Variants in DNAH14 observed in about 807,000 individuals in gnomAD.
DNAH14 encodes dynein axonemal heavy chain 14.
A neutral mutation model predicts 520.9 loss-of-function variants in DNAH14; 478 were observed. The ratio of observed to expected loss-of-function variants is 0.92; its 90% CI spans 0.85 to 0.99. The LOEUF is 0.99. Among genes scored for constraint, DNAH14 ranks in the 50% least tolerant of loss-of-function variants. The pLI, the probability that DNAH14 is intolerant of heterozygous loss-of-function variation, is 0.00. For missense variants in DNAH14, 4,831 were observed against 5,234.5 expected (o/e 0.92, Z 2.38); for synonymous variants, 1,581 against 1,757.2 (o/e 0.90, Z 2.51).
chr1:225,234,635 C>A (rs1394323664), intron 42 of DNAH14, among the ~76,000 whole-genome samples: 1 of 152,148 alleles, frequency 6.6e-6, no homozygotes, highest in African/African-American at 2.4e-5. Flanking sequence ...TTGCTTTGGG[C>A]AGTATGGTCC....
At chr1:225,360,249 G>A (rs1449798106) in intron 74 of DNAH14, among the ~76,000 whole-genome samples, 1 of 152,140 alleles carries the variant, frequency 6.6e-6, no homozygotes, top group Non-Finnish European at 1.5e-5. Flanking sequence ...GTCTATCATT[G>A]ATGGGCATTT....
chr1:224,944,045 A>C (rs1253124265), intron 1 of DNAH14, among the ~76,000 whole-genome samples: 1 of 152,070 alleles, frequency 6.6e-6, no homozygotes, highest in Non-Finnish European at 1.5e-5. Flanking sequence ...ATTCCTGGAT[A>C]TCCTTGTTAA....
intron 27 of DNAH14, among the ~76,000 whole-genome samples, chr1:225,137,288 G>A (rs2079029552): frequency 6.6e-6 from 1 of 152,032 alleles, no homozygotes; most frequent in Non-Finnish European, 1.5e-5. Context: ...TTTGATCTTT[G>A]AGGTTGCTGA....
chr1:225,252,313 C>G lies in DNAH14; in HGVS notation c.6761C>G (p.Pro2254Arg). Reference protein sequence around the residue: ...GNSSQVGINLPTGECSIFGYF... With the variant: ...GNSSQVGINLRTGECSIFGYF... ...TTTTCGGTTGTAGGCATCAACCTAC[C>G]AACTGGTGAATGTTCCATCTTTGGA... The change falls in exon 44 of 86, where the codon CCA becomes CGA. Residue 2254 changes from proline (P) to arginine (R), a missense_variant. Coordinates refer to ENST00000682510, the MANE Select transcript of DNAH14 (RefSeq NM_001367479.1). 6.5e-7 allele frequency: 1 copy of G among 1,546,910 alleles called. No individual in the cohort carries two copies. The highest frequency in any genetic ancestry group is 1.2e-5 in the South Asian group (1 of 83,632).
At chr1:225,398,191 C>T (rs1480612727) in intron 84 of DNAH14, 4 of 217,608 alleles carry the variant, frequency 1.8e-5, no homozygotes, top group Non-Finnish European at 3.6e-5. Context: ...TGTTCTTGTT[C>T]TGTCCTAAAA....
chr1:225,006,780 G>A (rs1319735774), intron 9 of DNAH14, among the ~76,000 whole-genome samples: 1 of 152,084 alleles, frequency 6.6e-6, no homozygotes, highest in African/African-American at 2.4e-5. Context: ...TTGTGATATT[G>A]TATTGCCTTT....
rs558126560 is a variant in DNAH14 at position 225,087,794 on chromosome 1, A to G, written c.3573+2005A>G. On this transcript the variant is annotated intron_variant, in intron 21 of 85. Transcript: ENST00000682510. ...TCATAGATTTGTGGCAGGCCCCTAC[A>G]CAAGCATTCAGCAGACCCAATCAAT... Among the ~76,000 whole-genome samples, 8 of 152,330 alleles carry G rather than the reference A, an allele frequency of 5.3e-5. No individual in the cohort carries two copies. In the East Asian group the frequency reaches 5.8e-4, roughly 11 times the overall value.
Position 225,272,088 on chromosome 1 carries a change from T to A in DNAH14, c.7839+15T>A, listed in dbSNP as rs774489281. 6.5e-7 allele frequency: 1 copy of A among 1,539,092 alleles called. No homozygotes were observed. Among genetic ancestry groups the A allele is most frequent in the South Asian group, 1.2e-5 (1 of 82,360 alleles). ...ATATGTTTAAGGTTTGTTTTAATGT[T>A]CATTCTCTAGTTTATTTTTTAAATA... On this transcript the variant is annotated intron_variant, in intron 51 of 85. Transcript: ENST00000682510.
At chr1:225,166,333 C>T (rs1344891923) in intron 35 of DNAH14, among the ~76,000 whole-genome samples, 1 of 152,172 alleles carries the variant, frequency 6.6e-6, no homozygotes, top group Non-Finnish European at 1.5e-5. Context: ...TATTCAGCTA[C>T]CCCATTTGTA....
At chr1:225,263,710 A>G (rs2093017913) in intron 46 of DNAH14, among the ~76,000 whole-genome samples, 1 of 152,032 alleles carries the variant, frequency 6.6e-6, no homozygotes, top group South Asian at 2.1e-4. Context: ...ATCATTCTTT[A>G]TCTAAGTATC....
intron 11 of DNAH14, among the ~76,000 whole-genome samples, chr1:225,036,822 G>A (rs779916683): frequency 2.0e-5 from 3 of 152,128 alleles, no homozygotes; most frequent in Non-Finnish European, 4.4e-5. Context: ...AAAGGGAGCT[G>A]GAACTTAAAG....
intron 17 of DNAH14, among the ~76,000 whole-genome samples, chr1:225,054,147 C>T (rs1307522906): frequency 6.6e-6 from 1 of 152,134 alleles, no homozygotes; most frequent in East Asian, 1.9e-4. Flanking sequence ...CTGTCTCCTA[C>T]TATACCCCTG....
chr1:225,053,943 A>G (rs934478021), intron 17 of DNAH14, among the ~76,000 whole-genome samples: 1 of 152,216 alleles, frequency 6.6e-6, no homozygotes, highest in Non-Finnish European at 1.5e-5. Context: ...TAGTGAGACT[A>G]GAAGAGAACC....
Position 225,082,538 on chromosome 1 carries a change from G to A in DNAH14, c.3137-11G>A. ...CATATTATAAGCCTACTGACCCATT[G>A]TTATTTATAGGTTTACCTAAAAGCG... On this transcript the variant is annotated splice_polypyrimidine_tract_variant and intron_variant, in intron 19 of 85. Transcript: ENST00000682510. The A allele has an allele frequency of 6.6e-7, 1 of 1,524,592 alleles. No homozygotes were observed. The highest frequency in any genetic ancestry group is 8.8e-7 in the Non-Finnish European group (1 of 1,134,062). 94.4% of individuals were successfully genotyped at this position (1,524,592 alleles called of 1,614,324 possible).
intron 16 of DNAH14, 109 bp from the exon 17 acceptor site, chr1:225,051,342 C>A (rs2068516204): frequency 2.8e-6 from 2 of 723,650 alleles, no homozygotes; most frequent in Non-Finnish European, 2.0e-6. Flanking sequence ...TTAAAATAAA[C>A]TCCACATAGC....
chr1:225,094,002 C>T (rs2074653233), intron 21 of DNAH14, among the ~76,000 whole-genome samples: 1 of 152,106 alleles, frequency 6.6e-6, no homozygotes. Context: ...AAGAGAAAAC[C>T]ATTCCATGCT....
intron 21 of DNAH14, 118 bp from the exon 22 acceptor site, chr1:225,096,996 TATTA>T (rs2075038930): frequency 2.4e-6 from 2 of 828,572 alleles, no homozygotes; most frequent in South Asian, 3.1e-5. Context: ...TGTGACTTTC[TATTA>T]ATTATTTTCT....
intron 1 of DNAH14, among the ~76,000 whole-genome samples, chr1:224,939,557 G>A (rs571535100): frequency 3.9e-5 from 6 of 152,148 alleles, no homozygotes; most frequent in South Asian, 4.2e-4. Context: ...GGTGGTGGAC[G>A]CCTGTTGTCC....
intron 8 of DNAH14, among the ~76,000 whole-genome samples, chr1:224,981,788 G>A (rs940264563): frequency 7.2e-5 from 11 of 151,892 alleles, no homozygotes; most frequent in African/African-American, 2.2e-4. Context: ...TTTCACTTTC[G>A]TTTAGTTCTG....
Sources: allele counts gnomAD v4.1 joint callset (sites outside exome capture counted in the v4.1 genomes callset), GRCh38; gene constraint gnomAD v4.1.1; transcripts MANE v1.5; gene names NCBI Gene and HGNC (gene_info 2026-07-23, HGNC 2026-07-21).